The following POLR3B variants were observed in gnomAD, a reference collection of about 807,000 sequenced individuals.
POLR3B encodes the protein DNA-directed RNA polymerase III subunit RPC2.
Under a neutral mutation model 147.4 loss-of-function variants are expected in POLR3B, and 96 were observed. The observed-to-expected ratio is 0.65, with a 90% CI of 0.55 to 0.77. POLR3B has a LOEUF of 0.77. POLR3B is among the 30% of genes least tolerant of loss of function. POLR3B has a pLI of 0.00. For missense variants in POLR3B, 1,036 were observed against 1,413.5 expected (o/e 0.73, Z 4.28); for synonymous variants, 461 against 485.9 (o/e 0.95, Z 0.67).
chr12:106,501,225 C>T, intron 25 of POLR3B, 98 bp from the exon 26 acceptor site: 2 of 781,762 alleles, frequency 2.6e-6, no homozygotes, highest in Non-Finnish European at 4.7e-6. Flanking sequence ...TCCAGTCAGT[C>T]ATAAATGAGT....
chr12:106,369,358 T>C lies in POLR3B; in HGVS notation c.303+8T>C. 6.8e-7 allele frequency: 1 copy of C among 1,479,102 alleles called. No individual in the cohort carries two copies. The highest frequency in any genetic ancestry group is 9.5e-7 in the Non-Finnish European group (1 of 1,056,636). 91.6% of individuals were successfully genotyped at this position (1,479,102 alleles called of 1,614,324 possible). A position where few individuals can be genotyped will look rare whatever the true frequency, so the allele number is the denominator to read the frequency against. On this transcript the variant is annotated splice_region_variant and intron_variant, in intron 5 of 27. Transcript: ENST00000228347. ...CCAGTGTCCCCTCATGAGGTAATTA[T>C]GAACCTTACTTTAATTGGACTTGTT... is the stretch of plus-strand genomic sequence containing the variant.
intron 12 of POLR3B, among the ~76,000 whole-genome samples, chr12:106,419,066 G>A (rs1484744453): frequency 2.0e-5 from 3 of 152,144 alleles, no homozygotes; most frequent in Non-Finnish European, 4.4e-5. Flanking sequence ...TAGGTTAAGG[G>A]CATTCGATTC....
rs1055671292 is a variant in POLR3B, at chr12:106,357,979, A to C, written c.72+28A>C. The C allele has an allele frequency of 6.8e-6, 11 of 1,609,546 alleles. No individual in the cohort carries two copies. The East Asian group carries it at 2.5e-4, about 36-fold the overall frequency. ...CAGTGCCAGGCACGCAGGGAGCGTC[A>C]GGGACAAGGATGCGCCCTGAGGGGG... On this transcript the variant is annotated intron_variant, in intron 1 of 27. Coordinates refer to ENST00000228347, the MANE Select transcript of POLR3B (RefSeq NM_018082.6).
intron 10 of POLR3B, among the ~76,000 whole-genome samples, chr12:106,402,398 T>C (rs1024029802): frequency 9.9e-5 from 15 of 152,126 alleles, no homozygotes; most frequent in African/African-American, 2.4e-4. Context: ...AGGTAATTTA[T>C]AGATTCAATG....
Position 106,380,039 on chromosome 12 carries a change from A to G in POLR3B, c.623A>G (p.His208Arg). Residue 208 changes from histidine (H) to arginine (R), a missense_variant, in exon 9 of 28, where the codon CAT becomes CGT. This residue lies in a region of POLR3B where 217 missense variants were observed against 288.7 expected (regional missense o/e 0.75). Coordinates refer to ENST00000228347, the MANE Select transcript of POLR3B (RefSeq NM_018082.6). ...CTTGTATTTACTCATAGCTCTACCC[A>G]TGAGAAAAAAAGCAGAACCAATATG... ...AVGASVTSST[H>R]EKKSRTNMAV... 6.2e-7 allele frequency: 1 copy of G among 1,609,638 alleles called. No individual in the cohort carries two copies.
rs535121868 is a variant in POLR3B at position 106,373,116 on chromosome 12, GTGT to G, written c.405-3238_405-3236del. Among the ~76,000 whole-genome samples, 350 of 152,220 alleles carry G rather than the reference GTGT, an allele frequency of 2.3e-3. 1 individual carries two copies. The highest frequency in any genetic ancestry group is 7.5e-3 in the African/African-American group (311 of 41,528). On this transcript the variant is annotated intron_variant, in intron 6 of 27. Coordinates refer to ENST00000228347, the MANE Select transcript of POLR3B (RefSeq NM_018082.6). ...TTCCTTCAGATCAGACTTGTTAATTGTGTTGTTTAGACGTTTTGTATCAGCATT... is the reference window on the plus strand; with the variant it reads ...TTCCTTCAGATCAGACTTGTTAATTGTGTTTAGACGTTTTGTATCAGCATT...
intron 23 of POLR3B, among the ~76,000 whole-genome samples, chr12:106,487,491 T>G (rs909946150): frequency 6.6e-6 from 1 of 152,228 alleles, no homozygotes; most frequent in African/African-American, 2.4e-5. Flanking sequence ...TTTAGAGCAT[T>G]AAATGTATTG....
rs1459230762 is a variant in POLR3B, at chr12:106,369,665, A to G, written c.386A>G (p.Asn129Ser). Reference protein sequence around the residue: ...YTRGSQRIIRNALPIGRMPIM... With the variant: ...YTRGSQRIIRSALPIGRMPIM... ...CGAGGCAGCCAGAGGATCATCCGCA[A>G]TGCCTTACCTATCGGCAGGTGAGAA... Residue 129 changes from asparagine to serine, a missense_variant, in exon 6 of 28, where the codon AAT (asparagine) becomes AGT (serine). Physicochemically the swap from Asn to Ser is conservative, Grantham distance 46. Around this residue, in one of 12 missense-constraint regions of POLR3B, gnomAD observed 217 missense variants for 288.7 expected, o/e 0.75. Transcript: ENST00000228347. The G allele has an allele frequency of 6.8e-6, 11 of 1,608,324 alleles. No individual in the cohort carries two copies. The highest frequency in any genetic ancestry group is 9.4e-6 in the Non-Finnish European group (11 of 1,174,878).
chr12:106,418,540 A>G (rs1351814504), intron 12 of POLR3B, among the ~76,000 whole-genome samples: 2 of 152,256 alleles, frequency 1.3e-5, no homozygotes, highest in Non-Finnish European at 2.9e-5. Context: ...ATTCTCTGAC[A>G]TTAAGCTAAT....
At chr12:106,379,971 C>A in intron 8 of POLR3B, 60 bp from the exon 9 acceptor site, 1 of 900,914 alleles carries the variant, frequency 1.1e-6, no homozygotes, top group Non-Finnish European at 1.9e-6. Context: ...GCTATTATTG[C>A]ATGTTACTAG....
chr12:106,463,056 A>C (rs1280982991), intron 22 of POLR3B, among the ~76,000 whole-genome samples: 1 of 152,104 alleles, frequency 6.6e-6, no homozygotes, highest in Non-Finnish European at 1.5e-5. Context: ...ATTTCTAATA[A>C]TGTTTGTTAT....
intron 10 of POLR3B, among the ~76,000 whole-genome samples, chr12:106,402,815 G>A (rs1298342537): frequency 6.6e-6 from 1 of 152,128 alleles, no homozygotes; most frequent in Non-Finnish European, 1.5e-5. Flanking sequence ...AATTCCAGAT[G>A]GATTAAAGAC....
intron 23 of POLR3B, among the ~76,000 whole-genome samples, chr12:106,476,003 A>G (rs1381967576): frequency 1.3e-5 from 2 of 151,054 alleles, no homozygotes; most frequent in Non-Finnish European, 3.0e-5. Flanking sequence ...AGCGGCTGGT[A>G]CCGGTTGTTC....
chr12:106,487,854 G>T (rs1471023253), intron 23 of POLR3B, among the ~76,000 whole-genome samples: 1 of 152,162 alleles, frequency 6.6e-6, no homozygotes, highest in African/African-American at 2.4e-5. Flanking sequence ...GAATGCGTGG[G>T]TCAGCTGGAA....
intron 19 of POLR3B, among the ~76,000 whole-genome samples, chr12:106,452,391 G>C (rs2037808784): frequency 6.6e-6 from 1 of 152,132 alleles, no homozygotes; most frequent in Non-Finnish European, 1.5e-5. Flanking sequence ...TGTAATGCCT[G>C]AGAATTATGT....
At chr12:106,466,377 C>A (rs1592757191) in intron 23 of POLR3B, among the ~76,000 whole-genome samples, 1 of 152,252 alleles carries the variant, frequency 6.6e-6, no homozygotes, top group East Asian at 1.9e-4. Flanking sequence ...GGATAGATTG[C>A]AAAAATTTTC....
At chr12:106,366,081 G>A (rs868727835) in intron 2 of POLR3B, among the ~76,000 whole-genome samples, 2 of 152,032 alleles carry the variant, frequency 1.3e-5, no homozygotes, top group Non-Finnish European at 2.9e-5. Flanking sequence ...TTGAGGAGGG[G>A]TCATTCTTTT....
intron 23 of POLR3B, among the ~76,000 whole-genome samples, chr12:106,467,685 G>C (rs908338944): frequency 8.5e-5 from 13 of 152,128 alleles, no homozygotes; most frequent in African/African-American, 2.9e-4. Flanking sequence ...TTTGTCAAAG[G>C]CCTTTTCTGC....
rs758347944 is a variant in POLR3B, at chr12:106,457,280, T to C, written c.2436T>C (p.Asp812=). The C allele has an allele frequency of 6.2e-7, 1 of 1,613,656 alleles. No homozygotes were observed. The highest frequency in any genetic ancestry group is 8.5e-7 in the Non-Finnish European group (1 of 1,179,602). ...PIWRHEILDA[D]GICSPGEKVE... is the part of the protein sequence containing the mutation. The stretch of plus-strand genomic sequence containing the variant: ...GGCGACATGAAATCTTAGATGCAGA[T>C]GGTATTTGTTCTCCAGGTAAAAGCC... The change falls in exon 21 of 28, where the codon GAT becomes GAC. Residue 812 remains aspartate (D), a synonymous_variant. Coordinates refer to ENST00000228347, the MANE Select transcript of POLR3B (RefSeq NM_018082.6).
Sources: allele counts gnomAD v4.1 joint callset (sites outside exome capture counted in the v4.1 genomes callset), GRCh38; gene constraint gnomAD v4.1.1; regional missense constraint gnomAD v4.1.1; transcripts MANE v1.5; gene names NCBI Gene and HGNC (gene_info 2026-07-23, HGNC 2026-07-21).